RBMS3: variants seen among roughly 807,000 people sequenced by gnomAD.
The protein encoded by RBMS3 is RNA-binding motif, single-stranded-interacting protein 3.
In RBMS3, 27 loss-of-function variants were observed where a neutral mutation model predicts 66.8. The observed-to-expected ratio is 0.40, with a 90% confidence interval of 0.30 to 0.56. RBMS3 has a LOEUF of 0.56. Among genes scored for constraint, RBMS3 ranks in the 20% least tolerant of loss-of-function variants. The probability of loss-of-function intolerance (pLI) is 0.40; values close to 1 mark genes in which losing one functional copy is unlikely to be tolerated. For synonymous variants in RBMS3, 188 were observed against 183.0 expected (o/e 1.03, Z -0.22); for missense variants, 513 against 549.5 (o/e 0.93, Z 0.66).
At chr3:29,641,239 A>G (rs2049697298) in intron 4 of RBMS3, 1 of 152,018 alleles carries the variant, frequency 6.6e-6, no homozygotes, top group Non-Finnish European at 1.5e-5. Flanking sequence ...CCCTGTTACT[A>G]AATATTGTTC....
At chr3:29,868,820 G>A (rs1259003064) in intron 6 of RBMS3, 38 bp from the exon 7 acceptor site, 6 of 1,496,988 alleles carry the variant, frequency 4.0e-6, no homozygotes, top group Non-Finnish European at 5.5e-6. Flanking sequence ...TTTTTAAGGG[G>A]GAGTTGTTAA....
In RBMS3 at chr3:29,578,790, C is replaced by CTTTTTTTTTT. The variant is rs1185861167; in HGVS notation, c.308-8311_308-8302dup. 1.3e-4 allele frequency among the ~76,000 whole-genome samples: 13 copies of CTTTTTTTTTT among 101,064 alleles called. 1 individual carries two copies. Among genetic ancestry groups the CTTTTTTTTTT allele is most frequent in the African/African-American group, 4.5e-4 (10 of 22,048 alleles). 66.3% of individuals were successfully genotyped at this position (101,064 alleles called of 152,430 possible). On this transcript the variant is annotated intron_variant, in intron 3 of 14. Coordinates refer to ENST00000383767, the MANE Select transcript of RBMS3 (RefSeq NM_001003793.3). ...AAAGAATCACAGGTAATACATGCTTCTTTTTTTTTTTTTTTTTTTTTTGAG... is the reference window on the plus strand; with the variant it reads ...AAAGAATCACAGGTAATACATGCTTCTTTTTTTTTTTTTTTTTTTTTTTTTTTTTTTTGAG...
intron 11 of RBMS3, among the ~76,000 whole-genome samples, chr3:29,943,893 G>T (rs915528607): frequency 1.3e-5 from 2 of 151,638 alleles, no homozygotes; most frequent in Non-Finnish European, 3.0e-5. Flanking sequence ...TCTTTTGTCA[G>T]CCAGAGAGGG....
intron 3 of RBMS3, among the ~76,000 whole-genome samples, chr3:29,525,321 T>G (rs1366687393): frequency 2.0e-5 from 3 of 152,294 alleles, no homozygotes; most frequent in South Asian, 4.1e-4. Context: ...TGAGCACATT[T>G]TTTTATTCTG....
At chr3:29,670,254 A>G (rs1314013960) in intron 4 of RBMS3, among the ~76,000 whole-genome samples, 1 of 152,186 alleles carries the variant, frequency 6.6e-6, no homozygotes, top group African/African-American at 2.4e-5. Context: ...GTCATTGAAG[A>G]TTTAATTAGT....
chr3:29,430,733 C>G (rs112963324), intron 1 of RBMS3, among the ~76,000 whole-genome samples: 6 of 151,622 alleles, frequency 4.0e-5, no homozygotes. Context: ...ATCTGTGATA[C>G]ATAAAGCTGG....
chr3:29,537,405 A>G (rs2149004402), intron 3 of RBMS3, among the ~76,000 whole-genome samples: 1 of 152,358 alleles, frequency 6.6e-6, no homozygotes, highest in East Asian at 1.9e-4. Context: ...AAGTCAGTAC[A>G]TGCTACTGAA....
chr3:29,421,774 T>G (rs1483684125), intron 1 of RBMS3, among the ~76,000 whole-genome samples: 2 of 152,168 alleles, frequency 1.3e-5, no homozygotes, highest in African/African-American at 4.8e-5. Flanking sequence ...AAACCTAATG[T>G]CCCATTAAAG....
intron 3 of RBMS3, among the ~76,000 whole-genome samples, chr3:29,561,634 G>A (rs2046559277): frequency 6.6e-6 from 1 of 152,104 alleles, no homozygotes; most frequent in Admixed American, 6.5e-5. Flanking sequence ...TGTATTTTTA[G>A]TAGAGATGGG....
intron 1 of RBMS3, among the ~76,000 whole-genome samples, chr3:29,432,200 T>G (rs921843397): frequency 1.3e-5 from 2 of 152,158 alleles, no homozygotes; most frequent in Non-Finnish European, 2.9e-5. Flanking sequence ...GTTTGAGATT[T>G]TGGTGGCTGA....
intron 1 of RBMS3, among the ~76,000 whole-genome samples, chr3:29,427,541 G>C (rs2041006740): frequency 6.6e-6 from 1 of 152,220 alleles, no homozygotes; most frequent in Non-Finnish European, 1.5e-5. Context: ...GCCTGCAGCA[G>C]TGTTATCCAG....
chr3:29,348,846 T>C (rs1251131273), intron 1 of RBMS3, among the ~76,000 whole-genome samples: 3 of 152,144 alleles, frequency 2.0e-5, no homozygotes, highest in African/African-American at 7.2e-5. Flanking sequence ...AAAATGTAGA[T>C]TAACATTGTG....
chr3:29,614,823 T>C (rs1327458918), intron 4 of RBMS3: 1 of 152,208 alleles, frequency 6.6e-6, no homozygotes, highest in Non-Finnish European at 1.5e-5. Context: ...AGACTTGATA[T>C]AGATCTATTT....
chr3:29,729,882 G>A (rs1168118330), intron 4 of RBMS3, among the ~76,000 whole-genome samples: 1 of 151,914 alleles, frequency 6.6e-6, no homozygotes, highest in African/African-American at 2.4e-5. Context: ...AGAACAATAA[G>A]AATTATAACC....
intron 3 of RBMS3, among the ~76,000 whole-genome samples, chr3:29,540,880 A>G (rs2045729698): frequency 6.6e-6 from 1 of 152,208 alleles, no homozygotes; most frequent in Non-Finnish European, 1.5e-5. Context: ...GCTCATCGCA[A>G]TTTAACATAG....
At chr3:29,465,878 C>T (rs1304026393) in intron 2 of RBMS3, among the ~76,000 whole-genome samples, 1 of 151,932 alleles carries the variant, frequency 6.6e-6, no homozygotes, top group East Asian at 1.9e-4. Flanking sequence ...TAAATTGGGT[C>T]TGAGCATATT....
intron 10 of RBMS3, among the ~76,000 whole-genome samples, chr3:29,901,091 T>G (rs1370122336): frequency 1.3e-5 from 2 of 151,782 alleles, no homozygotes; most frequent in African/African-American, 4.8e-5. Context: ...ATCCCTTTAT[T>G]TACTATTATT....
At position 29,452,095 on chromosome 3, in the gene RBMS3, A is replaced by G. The variant is rs548537996; in HGVS notation, c.248+17180A>G. On this transcript the variant is annotated intron_variant, in intron 2 of 14. Coordinates refer to ENST00000383767, the MANE Select transcript of RBMS3 (RefSeq NM_001003793.3). ...TTATGCTTGAAGGATGTCAAGTTATACATTTAGGCATGACGTCAGATAACA... is the reference window on the plus strand; with the variant it reads ...TTATGCTTGAAGGATGTCAAGTTATGCATTTAGGCATGACGTCAGATAACA... 1.0e-3 allele frequency among the ~76,000 whole-genome samples: 156 copies of G among 152,310 alleles called. 3 individuals are homozygous for G. Among genetic ancestry groups the G allele is most frequent in the Admixed American group, 3.7e-3 (56 of 15,300 alleles).
intron 5 of RBMS3, among the ~76,000 whole-genome samples, chr3:29,762,462 C>T (rs1018840257): frequency 3.9e-5 from 6 of 152,154 alleles, no homozygotes; most frequent in African/African-American, 1.4e-4. Flanking sequence ...TACTGTTGCA[C>T]AGATGTCAGT....
Sources: allele counts gnomAD v4.1 joint callset (sites outside exome capture counted in the v4.1 genomes callset), GRCh38; gene constraint gnomAD v4.1.1; transcripts MANE v1.5; gene names NCBI Gene and HGNC (gene_info 2026-07-23, HGNC 2026-07-21).